DSCAM: variants seen among roughly 807,000 people sequenced by gnomAD.
The protein encoded by DSCAM is DS cell adhesion molecule.
A neutral mutation model predicts 217.7 loss-of-function variants in DSCAM; 47 were observed. That is an observed-to-expected ratio of 0.22 (90% CI 0.17 to 0.28). The LOEUF is 0.28. DSCAM is among the 10% of genes least tolerant of loss of function. DSCAM has a pLI of 1.00. For missense variants in DSCAM, 2,080 were observed against 2,618.3 expected (o/e 0.79, Z 4.49); for synonymous variants, 1,056 against 1,015.3 (o/e 1.04, Z -0.76).
At chr21:40,285,026 G>A (rs1309542972) in intron 10 of DSCAM, among the ~76,000 whole-genome samples, 3 of 152,146 alleles carry the variant, frequency 2.0e-5, no homozygotes, top group Non-Finnish European at 4.4e-5. Context: ...TAACTAATAC[G>A]TAATTATGTA....
chr21:40,200,565 G>T (rs1303251501), intron 11 of DSCAM, among the ~76,000 whole-genome samples: 2 of 152,156 alleles, frequency 1.3e-5, no homozygotes, highest in African/African-American at 4.8e-5. Flanking sequence ...ACGGACACTT[G>T]TGTTGCTTTC....
At position 40,321,126 on chromosome 21, in the gene DSCAM, C is replaced by T. The variant is rs73371760; in HGVS notation, c.1784-8767G>A. Among the ~76,000 whole-genome samples, 654 of 152,302 alleles carry T rather than the reference C, an allele frequency of 4.3e-3. 5 individuals are homozygous for T. Among genetic ancestry groups the T allele is most frequent in the African/African-American group, 0.015 (618 of 41,562 alleles). ...AAAGGAATGTCTCTTACTAATCATA[C>T]GCTAATGGAACCATTGTTCCTCAGT... On this transcript the variant is annotated intron_variant, in intron 8 of 32. Coordinates refer to ENST00000400454, the MANE Select transcript of DSCAM (RefSeq NM_001389.5).
chr21:40,716,182 T>C (rs1383221016), intron 1 of DSCAM, among the ~76,000 whole-genome samples: 1 of 152,206 alleles, frequency 6.6e-6, no homozygotes, highest in Non-Finnish European at 1.5e-5. Flanking sequence ...TAACATAAAC[T>C]CATTCTCTAA....
intron 31 of DSCAM, 49 bp downstream of exon 31, chr21:40,044,028 CG>C: frequency 3.8e-6 from 6 of 1,590,736 alleles, no homozygotes; most frequent in Non-Finnish European, 5.2e-6. Flanking sequence ...GCTCAAGGTG[CG>C]GGGGCCGTGC....
intron 1 of DSCAM, among the ~76,000 whole-genome samples, chr21:40,765,089 ATG>A (rs1424396459): frequency 3.4e-5 from 4 of 118,712 alleles, no homozygotes; most frequent in Non-Finnish European, 1.8e-5. Flanking sequence ...CATTCTGCAC[ATG>A]TATCACAGAA....
rs143595762 is a variant in DSCAM, at chr21:40,249,558, C to T, written c.2356+26539G>A. Among the ~76,000 whole-genome samples the T allele has an allele frequency of 2.0e-3, 307 of 152,174 alleles. 2 individuals carry two copies. The highest frequency in any genetic ancestry group is 7.2e-3 in the African/African-American group (300 of 41,514). ...GCATGAAAACAAAACGATACATTAG[C>T]GTAGAAATATATTCAAATCATGGGA... On this transcript the variant is annotated intron_variant, in intron 11 of 32. Transcript: ENST00000400454.
intron 10 of DSCAM, among the ~76,000 whole-genome samples, chr21:40,281,677 G>T (rs998215181): frequency 3.3e-5 from 5 of 152,094 alleles, no homozygotes; most frequent in African/African-American, 1.2e-4. Flanking sequence ...CTGCATCAAT[G>T]CTATACATCA....
At chr21:40,683,954 C>T (rs1354224346) in intron 3 of DSCAM, among the ~76,000 whole-genome samples, 2 of 151,986 alleles carry the variant, frequency 1.3e-5, no homozygotes, top group Non-Finnish European at 2.9e-5. Context: ...GGGCCACGCA[C>T]GGTGGCTCAC....
chr21:40,157,413 G>C (rs1403421421), intron 16 of DSCAM, among the ~76,000 whole-genome samples: 1 of 152,186 alleles, frequency 6.6e-6, no homozygotes, highest in Non-Finnish European at 1.5e-5. Context: ...AAGGAGAGAG[G>C]GGAGAAAGGT....
At chr21:40,246,354 TAAAAAAAAAAAAAAAAAAA>T (rs34308158) in intron 11 of DSCAM, among the ~76,000 whole-genome samples, 4 of 13,920 alleles carry the variant, frequency 2.9e-4, no homozygotes, top group African/African-American at 5.4e-4. Context: ...CAGTCCGTAC[TAAAAAAAAAAAAAAAAAAA>T]AAAAAAAAAA....
intron 3 of DSCAM, among the ~76,000 whole-genome samples, chr21:40,450,301 C>A (rs187346291): frequency 6.6e-5 from 10 of 152,178 alleles, no homozygotes; most frequent in African/African-American, 1.9e-4. Flanking sequence ...AAGAGGCCGT[C>A]AAGTACAGAT....
chr21:40,369,704 G>A (rs570581032), intron 3 of DSCAM, among the ~76,000 whole-genome samples: 1 of 152,074 alleles, frequency 6.6e-6, no homozygotes, highest in Non-Finnish European at 1.5e-5. Flanking sequence ...TTTTGCCTCA[G>A]TTTAAAATGT....
chr21:40,676,239 A>T (rs1043420569), intron 3 of DSCAM, among the ~76,000 whole-genome samples: 3 of 152,158 alleles, frequency 2.0e-5, no homozygotes, highest in Non-Finnish European at 4.4e-5. Flanking sequence ...TCTTATGTCA[A>T]CAAGTCAAAG....
At chr21:40,670,839 G>A (rs1461664215) in intron 3 of DSCAM, among the ~76,000 whole-genome samples, 1 of 152,120 alleles carries the variant, frequency 6.6e-6, no homozygotes, top group East Asian at 1.9e-4. Flanking sequence ...TTTTAAGTTA[G>A]TTCTCAGTTG....
chr21:40,564,698 G>A (rs1422231188), intron 3 of DSCAM, among the ~76,000 whole-genome samples: 2 of 152,176 alleles, frequency 1.3e-5, no homozygotes, highest in Non-Finnish European at 2.9e-5. Flanking sequence ...CGTGAAACGG[G>A]AACCTGCCAA....
At chr21:40,500,482 A>G (rs558701700) in intron 3 of DSCAM, among the ~76,000 whole-genome samples, 10 of 152,348 alleles carry the variant, frequency 6.6e-5, no homozygotes, top group Admixed American at 1.3e-4. Context: ...TTGAATGTCA[A>G]CTTAACTATT....
At chr21:40,568,070 CTCTT>C (rs1051499721) in intron 3 of DSCAM, among the ~76,000 whole-genome samples, 5 of 151,982 alleles carry the variant, frequency 3.3e-5, no homozygotes, top group African/African-American at 1.2e-4. Context: ...GTTTTCCTGT[CTCTT>C]CTTCTTTCCA....
At chr21:40,551,729 G>A (rs116767368) in intron 3 of DSCAM, among the ~76,000 whole-genome samples, 2 of 152,134 alleles carry the variant, frequency 1.3e-5, no homozygotes, top group African/African-American at 4.8e-5. Flanking sequence ...CTAAAGTTAG[G>A]TTGGAATTTG....
At chr21:40,054,539 G>C (rs2837397) in intron 29 of DSCAM, among the ~76,000 whole-genome samples, 31,181 of 152,214 alleles carry the variant, frequency 0.2, 3,449 homozygotes, top group East Asian at 0.24. Context: ...GCTATGTGCT[G>C]AGAGTCAGGC....
Sources: gnomAD v4.1 joint callset for allele counts (sites outside exome capture counted in the v4.1 genomes callset) on GRCh38, gnomAD v4.1.1 for gene constraint, MANE v1.5 for transcripts, NCBI Gene and HGNC (gene_info 2026-07-23, HGNC 2026-07-21) for gene names.